ABCA5: variants seen among roughly 807,000 people sequenced by gnomAD.
The protein encoded by ABCA5 is ATP binding cassette subfamily A member 5.
A neutral mutation model predicts 206.0 loss-of-function variants in ABCA5; 163 were observed. That is an observed-to-expected ratio of 0.79 (90% CI 0.70 to 0.90). The LOEUF is 0.90. ABCA5 is among the 40% of genes least tolerant of loss of function. ABCA5 has a pLI of 0.00. For missense variants in ABCA5, 1,859 were observed against 1,912.9 expected, an observed-to-expected ratio of 0.97 and a Z score of 0.53; for synonymous variants, 609 against 613.8, an observed-to-expected ratio of 0.99 and a Z score of 0.11.
At chr17:69,303,793 T>TATATACAC (rs1481494761) in intron 7 of ABCA5, among the ~76,000 whole-genome samples, 4 of 4,488 alleles carry the variant, frequency 8.9e-4, no homozygotes, top group East Asian at 0.05. Context: ...AAAATATATA[T>TATATACAC]ATATATATAT....
At chr17:69,276,465 T>C (rs2075333255) in intron 19 of ABCA5, among the ~76,000 whole-genome samples, 1 of 152,190 alleles carries the variant, frequency 6.6e-6, no homozygotes. Context: ...CATGGAATAC[T>C]ATGCAGCCAT....
chr17:69,289,134 A>C (rs764099122), intron 14 of ABCA5, 43 bp downstream of exon 14: 1 of 1,567,044 alleles, frequency 6.4e-7, no homozygotes, highest in South Asian at 1.2e-5. Context: ...TTAATTCGAC[A>C]TAATTTAAAA....
At chr17:69,253,719 G>A (rs1406224883) in intron 33 of ABCA5, 52 bp from the exon 34 acceptor site, 4 of 1,582,190 alleles carry the variant, frequency 2.5e-6, no homozygotes, top group Non-Finnish European at 3.5e-6. Flanking sequence ...TCACTATAAG[G>A]AATCTATCAA....
chr17:69,309,232 G>A (rs2075747056), intron 4 of ABCA5, 30 bp downstream of exon 4: 3 of 1,486,740 alleles, frequency 2.0e-6, no homozygotes, highest in Non-Finnish European at 2.7e-6. Flanking sequence ...GCATTTAATT[G>A]ATCTTCAATG....
intron 1 of ABCA5, among the ~76,000 whole-genome samples, chr17:69,317,399 CAAAAAAAA>C (rs1168274624): frequency 1.9e-3 from 142 of 74,582 alleles, no homozygotes; most frequent in African/African-American, 7.7e-3. Context: ...GACTCTGTCT[CAAAAAAAA>C]AAAAAAAAAA....
At chr17:69,261,333 A>C in intron 25 of ABCA5, 74 bp from the exon 26 acceptor site, 1 of 1,383,250 alleles carries the variant, frequency 7.2e-7, no homozygotes, top group Non-Finnish European at 9.8e-7. Context: ...CTACGCATTA[A>C]ACTATTTTTT....
At chr17:69,264,960 A>G in intron 23 of ABCA5, 55 bp from the exon 24 acceptor site, 1 of 1,202,656 alleles carries the variant, frequency 8.3e-7, no homozygotes, top group Admixed American at 3.0e-5. Flanking sequence ...GAAACACACA[A>G]ATAAATTAGT....
In ABCA5 at chr17:69,309,282, G is replaced by A. The variant is rs367763619; in HGVS notation, c.449C>T (p.Ser150Phe). The A allele has an allele frequency of 6.3e-7, 1 of 1,582,442 alleles. No homozygotes were observed. The highest frequency in any genetic ancestry group is 1.4e-5 in the African/African-American group (1 of 72,772). Residue 150 changes from serine to phenylalanine, a missense_variant, in exon 4 of 39, where the codon TCT (serine) becomes TTT (phenylalanine). Physicochemically the swap from Ser to Phe is radical, Grantham distance 155. Coordinates refer to ENST00000392676, the MANE Select transcript of ABCA5 (RefSeq NM_172232.4). Reference sequence around the variant, plus strand: ...TTTACCTCTTGAATCCATATAAATAGAAGATACTGGAATCATATCAGGAAA... The same window carrying A: ...TTTACCTCTTGAATCCATATAAATAAAAGATACTGGAATCATATCAGGAAA... ...RFFPDMIPVSSIYMDSRAGCS... is the reference protein window; with the variant it reads ...RFFPDMIPVSFIYMDSRAGCS...
In ABCA5 at chr17:69,256,311, C is replaced by T. The variant is rs1346260577; in HGVS notation, c.3732-28G>A. The stretch of plus-strand genomic sequence containing the variant: ...ACATATATATAATAAATATAAAAGA[C>T]AGTAGGTTTTCAAATAATTAAAATA... On this transcript the variant is annotated intron_variant, in intron 28 of 38. Transcript: ENST00000392676. 16 of 1,420,386 alleles carry T rather than the reference C, an allele frequency of 1.1e-5. No individual in the cohort carries two copies. The East Asian group carries it at 3.3e-4, about 29-fold the overall frequency. 88.0% of individuals were successfully genotyped at this position (1,420,386 alleles called of 1,614,324 possible).
rs1467608172 is a variant in ABCA5, at chr17:69,244,564, G to C, written c.*2973C>G. On this transcript the variant is annotated 3_prime_UTR_variant, in exon 39 of 39. Coordinates refer to ENST00000392676, the MANE Select transcript of ABCA5 (RefSeq NM_172232.4). ...TAGCTGATATAAAAATTATTCATCT[G>C]AGAATAAATTCTTTCATTTTAGGAA... is the stretch of plus-strand genomic sequence containing the variant. 1 of 151,582 alleles carries C rather than the reference G, an allele frequency of 6.6e-6. No individual in the cohort carries two copies. Among genetic ancestry groups the C allele is most frequent in the Non-Finnish European group, 1.5e-5 (1 of 67,766 alleles). 9.4% of individuals were successfully genotyped at this position (151,582 alleles called of 1,614,324 possible).
In ABCA5 at chr17:69,304,686, G is replaced by C; in HGVS notation, c.913C>G (p.Leu305Val). The C allele has an allele frequency of 1.3e-6, 2 of 1,588,490 alleles. No individual in the cohort carries two copies. The highest frequency in any genetic ancestry group is 1.7e-6 in the Non-Finnish European group (2 of 1,168,226). Residue 305 changes from leucine to valine, a missense_variant, in exon 7 of 39, where the codon CTT becomes GTT. Transcript: ENST00000392676. Reference sequence around the variant, plus strand: ...ATACTTACAGATGATAATCCATAAAGGAAAAAAAGCAGAAATATCACAATG... The same window carrying C: ...ATACTTACAGATGATAATCCATAAACGAAAAAAAGCAGAAATATCACAATG... ...SSIVIFLLFFLYGLSSVFFAL... is the reference protein window; with the variant it reads ...SSIVIFLLFFVYGLSSVFFAL...
chr17:69,272,736 T>C (rs927077321), intron 20 of ABCA5, among the ~76,000 whole-genome samples: 6 of 152,192 alleles, frequency 3.9e-5, no homozygotes, highest in African/African-American at 1.4e-4. Context: ...CAGGTAATTT[T>C]CCATGTTCTC....
chr17:69,264,051 A>G (rs1426407715), intron 24 of ABCA5, among the ~76,000 whole-genome samples: 1 of 152,022 alleles, frequency 6.6e-6, no homozygotes, highest in Non-Finnish European at 1.5e-5. Context: ...TGAATTTTAG[A>G]ATAGCTTTTT....
At chr17:69,260,309 C>T in intron 27 of ABCA5, 29 bp downstream of exon 27, 2 of 1,520,728 alleles carry the variant, frequency 1.3e-6, no homozygotes, top group Non-Finnish European at 1.8e-6. Context: ...AAGGTACATG[C>T]TAATTCACAA....
At chr17:69,279,892 T>C (rs958876115) in intron 18 of ABCA5, among the ~76,000 whole-genome samples, 7 of 152,128 alleles carry the variant, frequency 4.6e-5, no homozygotes, top group African/African-American at 1.7e-4. Context: ...TCAAGATGGA[T>C]TAAAGACTTA....
chr17:69,307,081 A>G (rs1390665689), intron 5 of ABCA5, 127 bp from the exon 6 acceptor site: 5 of 453,042 alleles, frequency 1.1e-5, no homozygotes, highest in Admixed American at 4.3e-5. Flanking sequence ...AAAAAGCTCC[A>G]TACCTGAAAT....
intron 3 of ABCA5, among the ~76,000 whole-genome samples, chr17:69,311,349 T>C (rs1177083017): frequency 1.3e-5 from 2 of 152,204 alleles, no homozygotes; most frequent in Non-Finnish European, 2.9e-5. Flanking sequence ...AGTCATGTTA[T>C]GTATGTATGC....
Position 69,282,075 on chromosome 17 carries a change from A to G in ABCA5, c.2392+1878T>C, listed in dbSNP as rs541977394. Among the ~76,000 whole-genome samples, 61 of 152,314 alleles carry G rather than the reference A, an allele frequency of 4.0e-4. No homozygotes were observed. In the South Asian group the frequency reaches 0.01, roughly 26 times the overall value. On this transcript the variant is annotated intron_variant, in intron 18 of 38. Coordinates refer to ENST00000392676, the MANE Select transcript of ABCA5 (RefSeq NM_172232.4). The stretch of plus-strand genomic sequence containing the variant: ...GATCCACCTTGCTCCTTACTGCATC[A>G]TGAAATTGATCTGTCAAGATCACCA...
intron 18 of ABCA5, among the ~76,000 whole-genome samples, chr17:69,280,413 G>A (rs1213269535): frequency 6.7e-6 from 1 of 150,098 alleles, no homozygotes; most frequent in Non-Finnish European, 1.5e-5. Context: ...TGGAGAAACA[G>A]GAACACTTTT....
Sources: gnomAD v4.1 joint callset for allele counts (sites outside exome capture counted in the v4.1 genomes callset) on GRCh38, gnomAD v4.1.1 for gene constraint, MANE v1.5 for transcripts, NCBI Gene and HGNC (gene_info 2026-07-23, HGNC 2026-07-21) for gene names.